The following MUC4 variants were observed in gnomAD, a reference collection of about 807,000 sequenced individuals.
MUC4 encodes the protein mucin 4, cell surface associated.
A neutral mutation model predicts 257.9 loss-of-function variants in MUC4; 202 were observed. The ratio of observed to expected loss-of-function variants is 0.78; its 90% CI spans 0.70 to 0.88. The LOEUF (loss-of-function observed/expected upper bound fraction) is 0.88. MUC4 is among the 40% of genes least tolerant of loss of function. The probability of loss-of-function intolerance (pLI) is 0.00; values close to 1 mark genes in which losing one functional copy is unlikely to be tolerated. For synonymous variants in MUC4, 2,351 were observed against 2,757.1 expected, an observed-to-expected ratio of 0.85 and a Z score of 4.62; for missense variants, 5,976 against 6,513.7, an observed-to-expected ratio of 0.92 and a Z score of 2.84.
At chr3:195,752,680 C>T (rs1007466186) in intron 20 of MUC4, among the ~76,000 whole-genome samples, 14 of 152,056 alleles carry the variant, frequency 9.2e-5, no homozygotes, top group East Asian at 5.8e-4. Flanking sequence ...CTGAGCAAAC[C>T]GGGAGAAGTG....
At position 195,784,186 on chromosome 3, in the gene MUC4, A is replaced by C; in HGVS notation, c.7394T>G (p.Leu2465Arg). ...SSASTGDTTPLPGTDTSSVST... is the reference protein window; with the variant it reads ...SSASTGDTTPRPGTDTSSVST... ...TACTGAGGAAGTGTCGGTGCCAGGA[A>C]GAGGGGTGGTGTCACCTGTGGATGC... The change falls in exon 2 of 25, where the codon CTT (leucine) becomes CGT (arginine). Residue 2465 changes from leucine (L) to arginine (R), a missense_variant. Physicochemically the swap from Leu to Arg is moderately radical, Grantham distance 102 (BLOSUM62 -2). Coordinates refer to ENST00000463781, the MANE Select transcript of MUC4 (RefSeq NM_018406.7). 2 of 1,510,552 alleles carry C rather than the reference A, an allele frequency of 1.3e-6. No homozygotes were observed. The highest frequency in any genetic ancestry group is 5.0e-5 in the East Asian group (2 of 39,660). 93.6% of individuals were successfully genotyped at this position (1,510,552 alleles called of 1,614,324 possible). A position where few individuals can be genotyped will look rare whatever the true frequency, so the allele number is the denominator to read the frequency against.
intron 1 of MUC4, among the ~76,000 whole-genome samples, chr3:195,795,044 G>A (rs1366222494): frequency 6.6e-6 from 1 of 152,210 alleles, no homozygotes; most frequent in Non-Finnish European, 1.5e-5. Context: ...ATTAGGTTGA[G>A]ATTTGTTGAT....
chr3:195,770,947 T>C (rs1486650633), intron 5 of MUC4: 7 of 447,308 alleles, frequency 1.6e-5, no homozygotes, highest in Admixed American at 2.4e-5. Context: ...GTAGGTCTTC[T>C]CGTGGCCGGG....
Position 195,790,585 on chromosome 3 carries a change from G to A in MUC4, c.995C>T (p.Thr332Ile), listed in dbSNP as rs116258582. ...GGTGTTGATTTGAGATACTCTGGTG[G>A]TCTCCACGCTCTGAGTCTGGTGGTT... ...SKNHQTQSVE[T>I]TRVSQINTLN... The change falls in exon 2 of 25, where the codon ACC (threonine) becomes ATC (isoleucine). Residue 332 changes from threonine (T) to isoleucine (I), a missense_variant. By Grantham distance (89) the Thr-to-Ile change is moderately conservative (BLOSUM62 -1). Transcript: ENST00000463781. 5.6e-4 allele frequency: 903 copies of A among 1,613,998 alleles called. 8 individuals are homozygous for A. The African/African-American group carries it at 0.01, about 18-fold the overall frequency.
At chr3:195,754,868 TCAA>T (rs369885866) in intron 18 of MUC4, among the ~76,000 whole-genome samples, 95,323 of 151,272 alleles carry the variant, frequency 0.63, 31,269 homozygotes, top group East Asian at 0.8. Context: ...TAGATATGTA[TCAA>T]TGTATGTATC....
In MUC4 at chr3:195,761,495, A is replaced by T. The variant is rs1718901301; in HGVS notation, c.14603T>A (p.Phe4868Tyr). 5 of 1,613,626 alleles carry T rather than the reference A, an allele frequency of 3.1e-6. No individual in the cohort carries two copies. In the South Asian group the frequency reaches 5.5e-5, roughly 18 times the overall value. ...PGSPEEMLFH[F>Y]GMTWQINGTG... Reference sequence around the variant, plus strand: ...CTGCCCAGACTCACAGGTCATTCCAAAGTGGAAAAGCATCTCCTCAGGGCT... The same window carrying T: ...CTGCCCAGACTCACAGGTCATTCCATAGTGGAAAAGCATCTCCTCAGGGCT... Residue 4868 changes from phenylalanine (F) to tyrosine (Y), a missense_variant, in exon 15 of 25, where the codon TTT becomes TAT. Phe to Tyr is a conservative substitution (Grantham distance 22). Around this residue, in one of 44 missense-constraint regions of MUC4, gnomAD observed 996 missense variants for 1,137.3 expected, o/e 0.88. Transcript: ENST00000463781.
intron 23 of MUC4, among the ~76,000 whole-genome samples, chr3:195,749,272 C>T (rs1165666945): frequency 2.6e-5 from 4 of 152,248 alleles, no homozygotes; most frequent in Admixed American, 1.3e-4. Flanking sequence ...TACTGCACAT[C>T]CTTACCAAGG....
intron 1 of MUC4, among the ~76,000 whole-genome samples, chr3:195,797,640 A>G (rs376093054): frequency 4.3e-4 from 65 of 152,366 alleles, no homozygotes; most frequent in African/African-American, 1.5e-3. Context: ...AGCTGGTGAA[A>G]TAAGACGAGA....
intron 1 of MUC4, among the ~76,000 whole-genome samples, chr3:195,797,736 A>G (rs1230952661): frequency 6.6e-6 from 1 of 152,240 alleles, no homozygotes; most frequent in East Asian, 1.9e-4. Flanking sequence ...TGCAGATAAC[A>G]TAATTGTTTA....
intron 16 of MUC4, 42 bp downstream of exon 16, chr3:195,760,842 T>TC: frequency 6.4e-7 from 1 of 1,555,390 alleles, no homozygotes. Flanking sequence ...CCTCATCTGC[T>TC]CCCGACTCTG....
At chr3:195,747,534 G>A (rs1715296560) in intron 24 of MUC4, among the ~76,000 whole-genome samples, 154 bp from the exon 25 acceptor site, 1 of 152,290 alleles carries the variant, frequency 6.6e-6, no homozygotes, top group Admixed American at 6.5e-5. Context: ...GTGCTGAAGT[G>A]AGACCACTGG....
chr3:195,798,673 C>T (rs914547689), intron 1 of MUC4, among the ~76,000 whole-genome samples: 1 of 151,988 alleles, frequency 6.6e-6, no homozygotes, highest in Admixed American at 6.6e-5. Context: ...CACTGCACTC[C>T]TGCCTGGGTG....
intron 6 of MUC4, among the ~76,000 whole-genome samples, chr3:195,769,946 C>T (rs1722425464): frequency 6.6e-6 from 1 of 152,132 alleles, no homozygotes; most frequent in Non-Finnish European, 1.5e-5. Flanking sequence ...TTTTGACTTA[C>T]AAAAATGCCA....
chr3:195,757,434 T>G lies in MUC4; in HGVS notation c.14987-106A>C. 2.1e-6 allele frequency: 2 copies of G among 960,104 alleles called. No individual in the cohort carries two copies. Among genetic ancestry groups the G allele is most frequent in the Non-Finnish European group, 3.0e-6 (2 of 675,992 alleles). 59.5% of individuals were successfully genotyped at this position (960,104 alleles called of 1,614,324 possible). On this transcript the variant is annotated intron_variant, in intron 17 of 24. Transcript: ENST00000463781. The surrounding 1 kb of genome is among the most constrained non-coding windows in gnomAD (Gnocchi z 4.8). ...CACCCCTCTCAGGCCACCCTCCCCC[T>G]CCCCAGACAAATCTCATTGGTCATT...
rs1345054331 is a variant in MUC4 at position 195,788,486 on chromosome 3, A to G, written c.3094T>C (p.Ser1032Pro). ...GGGGTGACGTGACCTGTGGATTCTG[A>G]GGAAGTGTCGGTGACAGGAAGAGGG... is the stretch of plus-strand genomic sequence containing the variant. ...TTPLPVTDTS[S>P]ESTGHVTPLP... Residue 1032 changes from serine (S) to proline (P), a missense_variant, in exon 2 of 25, where the codon TCA (serine) becomes CCA (proline). This residue lies in a region of MUC4 where 1,583 missense variants were observed against 1,257.4 expected (regional missense o/e 1.26). Transcript: ENST00000463781. 1 of 1,548,398 alleles carries G rather than the reference A, an allele frequency of 6.5e-7. No individual in the cohort carries two copies. The highest frequency in any genetic ancestry group is 2.0e-5 in the Admixed American group (1 of 50,750).
intron 18 of MUC4, among the ~76,000 whole-genome samples, chr3:195,754,950 G>A (rs1221908988): frequency 6.6e-6 from 1 of 152,020 alleles, no homozygotes; most frequent in Non-Finnish European, 1.5e-5. Flanking sequence ...GTATCCATAT[G>A]TGTGTATCCA....
intron 12 of MUC4, 35 bp downstream of exon 12, chr3:195,763,398 G>A (rs1328675870): frequency 1.4e-6 from 2 of 1,394,132 alleles, no homozygotes; most frequent in Non-Finnish European, 1.9e-6. Context: ...CCCTGTGGGT[G>A]GAATGCAGGG....
At position 195,778,893 on chromosome 3, in the gene MUC4, G is replaced by A. The variant is rs753022132; in HGVS notation, c.12687C>T (p.Ser4229=). 1.9e-6 allele frequency: 3 copies of A among 1,578,384 alleles called. No individual in the cohort carries two copies. Among genetic ancestry groups the A allele is most frequent in the Non-Finnish European group, 2.6e-6 (3 of 1,155,800 alleles). Reference sequence around the variant, plus strand: ...CGTGACCTGTGGATACTGAGGAAAGGCTGGTGACAGGAAGAGGGGTGGCGT... The same window carrying A: ...CGTGACCTGTGGATACTGAGGAAAGACTGGTGACAGGAAGAGGGGTGGCGT... The part of the protein sequence containing the change: ...TGHATPLPVT[S]LSSVSTGHAT... The change falls in exon 2 of 25, where the codon AGC becomes AGT. Residue 4229 remains serine (S), a synonymous_variant. Coordinates refer to ENST00000463781, the MANE Select transcript of MUC4 (RefSeq NM_018406.7).
At chr3:195,748,850 A>C (rs1179905796) in intron 24 of MUC4, 52 bp downstream of exon 24, 10 of 1,492,762 alleles carry the variant, frequency 6.7e-6, no homozygotes, top group Non-Finnish European at 8.9e-6. Flanking sequence ...TGTCTTGCCC[A>C]GCTTGGGTTC....
Sources: allele counts gnomAD v4.1 joint callset (sites outside exome capture counted in the v4.1 genomes callset), GRCh38; gene constraint gnomAD v4.1.1; regional missense constraint gnomAD v4.1.1; non-coding constraint Gnocchi (gnomAD v3.1); transcripts MANE v1.5; gene names NCBI Gene and HGNC (gene_info 2026-07-23, HGNC 2026-07-21).